The following TJP1 variants were observed in gnomAD, a reference collection of about 807,000 sequenced individuals.
The protein encoded by TJP1 is tight junction protein ZO-1.
Under a neutral mutation model 194.2 loss-of-function variants are expected in TJP1, and 43 were observed. The observed-to-expected ratio is 0.22, with a 90% CI of 0.17 to 0.29. TJP1 has a LOEUF of 0.29. TJP1 is among the 10% of genes least tolerant of loss of function. The pLI, the probability that TJP1 is intolerant of heterozygous loss-of-function variation, is 1.00. For synonymous variants in TJP1, 801 were observed against 779.0 expected, an observed-to-expected ratio of 1.03 and a Z score of -0.47; for missense variants, 1,971 against 2,185.7, an observed-to-expected ratio of 0.90 and a Z score of 1.96.
At chr15:29,755,530 T>C (rs1355942753) in intron 8 of TJP1, among the ~76,000 whole-genome samples, 1 of 152,224 alleles carries the variant, frequency 6.6e-6, no homozygotes, top group Admixed American at 6.5e-5. Context: ...GCTGTATCAA[T>C]GCTGACACAC....
intron 12 of TJP1, among the ~76,000 whole-genome samples, chr15:29,733,718 T>C (rs1394497872): frequency 6.6e-6 from 1 of 152,134 alleles, no homozygotes; most frequent in Non-Finnish European, 1.5e-5. Context: ...ACTGAAAGGG[T>C]AAGGGGTGTG....
chr15:29,776,522 T>A (rs1382870311), intron 2 of TJP1, among the ~76,000 whole-genome samples: 1 of 152,194 alleles, frequency 6.6e-6, no homozygotes. Context: ...AAAAACTTAA[T>A]AAATGATAGT....
At chr15:29,948,660 G>A (rs76736564) in intron 2 of TJP1, among the ~76,000 whole-genome samples, 1 of 152,118 alleles carries the variant, frequency 6.6e-6, no homozygotes, top group African/African-American at 2.4e-5. Context: ...GGAAGCCTAC[G>A]CAGAGGAGGG....
At chr15:29,875,786 G>A (rs536325798) in intron 2 of TJP1, among the ~76,000 whole-genome samples, 37 of 151,994 alleles carry the variant, frequency 2.4e-4, no homozygotes, top group African/African-American at 3.4e-4. Context: ...GGCTGGTCTC[G>A]AACCCCTGAC....
At chr15:29,767,181 T>C (rs552411794) in intron 4 of TJP1, among the ~76,000 whole-genome samples, 41 of 152,344 alleles carry the variant, frequency 2.7e-4, no homozygotes, top group Non-Finnish European at 5.7e-4. Context: ...TTCTGGTAAC[T>C]GGCTCTGTAT....
rs1045888374 is a variant in TJP1 at position 29,715,483 on chromosome 15, A to G, written c.4202+1128T>C. On this transcript the variant is annotated intron_variant, in intron 23 of 27. Coordinates refer to ENST00000614355, the MANE Select transcript of TJP1 (RefSeq NM_001330239.4). Reference sequence around the variant, plus strand: ...TAGGTTTTAATGTTAGTGGTTTTAAAGTATGTTCTAAAACAATTTACACTC... The same window carrying G: ...TAGGTTTTAATGTTAGTGGTTTTAAGGTATGTTCTAAAACAATTTACACTC... 2.6e-5 allele frequency among the ~76,000 whole-genome samples: 4 copies of G among 152,358 alleles called. 1 individual carries two copies. The highest frequency in any genetic ancestry group is 3.4e-3 in the Middle Eastern group (1 of 294).
chr15:29,705,087 G>GTAC (rs1173560416), intron 26 of TJP1, among the ~76,000 whole-genome samples: 1 of 152,222 alleles, frequency 6.6e-6, no homozygotes, highest in African/African-American at 2.4e-5. Flanking sequence ...TGCTGAGCAT[G>GTAC]TACTAGTGCT....
intron 2 of TJP1, among the ~76,000 whole-genome samples, chr15:29,852,544 C>T (rs911454826): frequency 6.6e-6 from 1 of 152,170 alleles, no homozygotes. Context: ...AACAGTTTAG[C>T]AGTTTCTTAA....
At chr15:29,882,669 G>A (rs1394966195) in intron 2 of TJP1, among the ~76,000 whole-genome samples, 5 of 152,160 alleles carry the variant, frequency 3.3e-5, no homozygotes, top group African/African-American at 4.8e-5. Context: ...TCCATGTGTC[G>A]GACCGAAAGG....
chr15:29,820,384 T>TA (rs1027641009), intron 1 of TJP1: 56 of 617,244 alleles, frequency 9.1e-5, no homozygotes, highest in Middle Eastern at 4.3e-4. Flanking sequence ...TACAGCATCT[T>TA]AAAAAAAAGC....
intron 2 of TJP1, among the ~76,000 whole-genome samples, chr15:29,939,488 A>G (rs768294939): frequency 4.6e-5 from 7 of 152,020 alleles, no homozygotes; most frequent in Non-Finnish European, 1.0e-4. Flanking sequence ...ACCATTAGCC[A>G]TTTCCCAAGC....
chr15:29,853,199 G>A (rs1250554510), intron 2 of TJP1, among the ~76,000 whole-genome samples: 1 of 152,150 alleles, frequency 6.6e-6, no homozygotes, highest in African/African-American at 2.4e-5. Context: ...ATTTTAAAGT[G>A]ATAACATTTT....
chr15:29,766,200 T>C (rs180940500), intron 5 of TJP1, 66 bp downstream of exon 5: 1,002 of 1,552,876 alleles, frequency 6.5e-4, no homozygotes, highest in Admixed American at 1.2e-3. Context: ...ACAGCAACTG[T>C]ACTTCTCATT....
chr15:29,944,830 ATC>A (rs1172562065), intron 2 of TJP1, among the ~76,000 whole-genome samples: 4 of 152,226 alleles, frequency 2.6e-5, no homozygotes, highest in African/African-American at 4.8e-5. Context: ...AAGATTTTAA[ATC>A]TGTCATGAAT....
rs932115602 is a variant in TJP1 at position 29,870,052 on chromosome 15, C to A, written c.307-69350G>T. Reference sequence around the variant, plus strand: ...ATGTTGGCCAGACTGGTCTCGAACTCCTGACCTCAGGCAATCCACCACCCC... The same window carrying A: ...ATGTTGGCCAGACTGGTCTCGAACTACTGACCTCAGGCAATCCACCACCCC... On this transcript the variant is annotated intron_variant, in intron 2 of 28. Coordinates refer to the TJP1 transcript ENST00000356107. 2.6e-5 allele frequency among the ~76,000 whole-genome samples: 4 copies of A among 152,054 alleles called. 1 individual carries two copies. The South Asian group carries it at 8.3e-4, about 32-fold the overall frequency.
rs887456953 is a variant in TJP1, at chr15:29,788,100, T to A, written c.84+12546A>T. 2.0e-4 allele frequency among the ~76,000 whole-genome samples: 30 copies of A among 152,248 alleles called. 1 individual carries two copies. Among genetic ancestry groups the A allele is most frequent in the African/African-American group, 7.2e-4 (30 of 41,464 alleles). On this transcript the variant is annotated intron_variant, in intron 2 of 27. Transcript: ENST00000614355. ...ATCTTTTCATGCATTTATTGCACAT[T>A]CATACATCTTCTTTGAGGAAGTATC...
intron 2 of TJP1, among the ~76,000 whole-genome samples, chr15:29,954,871 T>C (rs556290246): frequency 3.9e-5 from 6 of 152,048 alleles, no homozygotes. Flanking sequence ...ACAAGGTCAG[T>C]AGTTTGAGAC....
chr15:29,885,157 G>C (rs1265650993), intron 2 of TJP1, among the ~76,000 whole-genome samples: 2 of 151,966 alleles, frequency 1.3e-5, no homozygotes, highest in African/African-American at 2.4e-5. Flanking sequence ...TGTAGATCTC[G>C]ATCCTGTCCT....
chr15:29,870,646 A>G (rs2052481131), intron 2 of TJP1, among the ~76,000 whole-genome samples: 1 of 152,180 alleles, frequency 6.6e-6, no homozygotes, highest in Admixed American at 6.5e-5. Context: ...TTGACCTAAA[A>G]GGGAAAGGCT....
Sources: gnomAD v4.1 joint callset for allele counts (sites outside exome capture counted in the v4.1 genomes callset) on GRCh38, gnomAD v4.1.1 for gene constraint, MANE v1.5 for transcripts, NCBI Gene and HGNC (gene_info 2026-07-23, HGNC 2026-07-21) for gene names.